Variants in RHBDF1 observed in about 807,000 individuals in gnomAD.
RHBDF1 encodes rhomboid 5 homolog 1, also known as inactive rhomboid protein 1.
In RHBDF1, 80 loss-of-function variants were observed where a neutral mutation model predicts 98.6. The ratio of observed to expected loss-of-function variants is 0.81; its 90% CI spans 0.68 to 0.98. The LOEUF is 0.98. Among genes scored for constraint, RHBDF1 ranks in the 50% least tolerant of loss-of-function variants. The pLI is 0.00. For missense variants in RHBDF1, 1,116 were observed against 1,198.3 expected (o/e 0.93, Z 1.01); for synonymous variants, 512 against 486.8 (o/e 1.05, Z -0.68).
At position 58,508 on chromosome 16, in the gene RHBDF1, T is replaced by A; in HGVS notation, c.2400A>T (p.Lys800Asn). The A allele has an allele frequency of 6.2e-7, 1 of 1,614,008 alleles. No individual in the cohort carries two copies. Residue 800 changes from lysine to asparagine, a missense_variant, in exon 18 of 18, where the codon AAA becomes AAT. By Grantham distance (94) the Lys-to-Asn change is moderately conservative. Transcript: ENST00000262316. ...CCTGAAAGATGATGATCTGGCAGCG[T>A]TTCCGGTACAGGTCGAACTTGCCAA... is the stretch of plus-strand genomic sequence containing the variant. ...ISFGKFDLYRKRCQIIIFQVV... is the reference protein window; with the variant it reads ...ISFGKFDLYRNRCQIIIFQVV...
chr16:58,871 G>A (rs1217224310), intron 17 of RHBDF1, 103 bp downstream of exon 17: 1 of 1,554,772 alleles, frequency 6.4e-7, no homozygotes, highest in Non-Finnish European at 8.8e-7. Flanking sequence ...TGGGACCGAG[G>A]ATCCAACTGG....
At chr16:65,857 C>T (rs572954563) in intron 1 of RHBDF1, among the ~76,000 whole-genome samples, 2 of 152,370 alleles carry the variant, frequency 1.3e-5, no homozygotes, top group South Asian at 4.1e-4. Context: ...CCAGGTGACG[C>T]CACGCGCCCA....
At position 72,460 on chromosome 16, in the gene RHBDF1, C is replaced by G. The variant is rs1161870494; in HGVS notation, c.-25+53G>C. 28 of 906,810 alleles carry G rather than the reference C, an allele frequency of 3.1e-5. No homozygotes were observed. The African/African-American group carries it at 4.9e-4, about 16-fold the overall frequency. The allele number at this position is 906,810 out of a possible 1,614,324, so 56.2% of individuals were successfully genotyped here. Reference sequence around the variant, plus strand: ...GACTCGCCCCGCCCTCCGGACGCAGCCCCGGAACCCGCCCGCCCCCGGAGC... The same window carrying G: ...GACTCGCCCCGCCCTCCGGACGCAGGCCCGGAACCCGCCCGCCCCCGGAGC... On this transcript the variant is annotated intron_variant, in intron 1 of 17. Coordinates refer to ENST00000262316, the MANE Select transcript of RHBDF1 (RefSeq NM_022450.5).
intron 1 of RHBDF1, among the ~76,000 whole-genome samples, chr16:69,108 C>T (rs1479105974): frequency 6.6e-6 from 1 of 152,096 alleles, no homozygotes; most frequent in African/African-American, 2.4e-5. Context: ...GTGAAAGGAC[C>T]CTAGAGCATA....
At chr16:72,736 C>T (rs1898012226), upstream of RHBDF1, 1 of 975,586 alleles carries the variant, frequency 1.0e-6, no homozygotes, top group Non-Finnish European at 1.2e-6. Context: ...CGGCCCAAGT[C>T]ACCTCCTCCC....
intron 1 of RHBDF1, among the ~76,000 whole-genome samples, chr16:67,686 G>C (rs997063306): frequency 6.6e-6 from 1 of 152,230 alleles, no homozygotes; most frequent in Non-Finnish European, 1.5e-5. Flanking sequence ...CAAGGCAGGA[G>C]TTCATTCACA....
At chr16:67,232 G>A (rs1897853162) in intron 1 of RHBDF1, among the ~76,000 whole-genome samples, 1 of 152,216 alleles carries the variant, frequency 6.6e-6, no homozygotes, top group African/African-American at 2.4e-5. Flanking sequence ...CACAGTGCTG[G>A]GACAGCATTC....
chr16:60,610 TCGAAGGCAAAAC>T, intron 11 of RHBDF1, 71 bp from the exon 12 acceptor site: 2 of 1,185,200 alleles, frequency 1.7e-6, no homozygotes, highest in Non-Finnish European at 2.5e-6. Flanking sequence ...GAGTCAGGAG[TCGAAGGCAAAAC>T]CACTGAGCTC....
Position 61,698 on chromosome 16 carries a change from T to G in RHBDF1, c.1209-2A>C. On this transcript the variant is annotated splice_acceptor_variant, in intron 8 of 17. Transcript: ENST00000262316. LOFTEE classifies it high-confidence loss of function. Reference sequence around the variant, plus strand: ...GTAAGCCAGTAGGTGAAGAAGGGCCTGCGGGGTGGAGCGTCAGCGGGGGCC... The same window carrying G: ...GTAAGCCAGTAGGTGAAGAAGGGCCGGCGGGGTGGAGCGTCAGCGGGGGCC... 11 of 1,613,334 alleles carry G rather than the reference T, an allele frequency of 6.8e-6. No individual in the cohort carries two copies. The highest frequency in any genetic ancestry group is 7.6e-6 in the Non-Finnish European group (9 of 1,179,858).
At position 61,424 on chromosome 16, in the gene RHBDF1, CTTGACGTTCTCG is replaced by C. The variant is rs1567113732; in HGVS notation, c.1344_1355del (p.Tyr448_Lys452delinsTer). 13 of 1,612,264 alleles carry C rather than the reference CTTGACGTTCTCG, an allele frequency of 8.1e-6. No individual in the cohort carries two copies. The highest frequency in any genetic ancestry group is 5.1e-6 in the Non-Finnish European group (6 of 1,179,760). ...TCCAGAAGTTCTCCTGCTGCACGTA[CTTGACGTTCTCG>C]TAGACCCCGCGGTTCCGCAGCACCT... is the stretch of plus-strand genomic sequence containing the variant. On this transcript the variant is annotated stop_gained and inframe_deletion, in exon 10 of 18. Coordinates refer to ENST00000262316, the MANE Select transcript of RHBDF1 (RefSeq NM_022450.5). LOFTEE classifies it high-confidence loss of function.
At chr16:71,801 C>T (rs1897976578) in intron 1 of RHBDF1, among the ~76,000 whole-genome samples, 1 of 152,250 alleles carries the variant, frequency 6.6e-6, no homozygotes, top group African/African-American at 2.4e-5. Flanking sequence ...ACAACCAGGC[C>T]CTCTGCCAAT....
chr16:58,439 G>A lies in RHBDF1; in HGVS notation c.2469C>T (p.Tyr823=), dbSNP rs199806322. Residue 823 remains tyrosine (Y), a synonymous_variant, in exon 18 of 18, where the codon TAC becomes TAT. Transcript: ENST00000262316. ...GLLAGLVVLF[Y]VYPVRCEWCE... is the part of the protein sequence containing the mutation. ...ACCACTCACAGCGGACAGGATAGAC[G>A]TAGAAGAGGACCACCAGGCCAGCCA... The A allele has an allele frequency of 1.9e-5, 31 of 1,614,078 alleles. No individual in the cohort carries two copies. The highest frequency in any genetic ancestry group is 1.6e-4 in the African/African-American group (12 of 75,072).
chr16:75,436 T>C (rs1898068101), upstream of RHBDF1, among the ~76,000 whole-genome samples: 1 of 151,978 alleles, frequency 6.6e-6, no homozygotes, highest in Admixed American at 6.6e-5. Context: ...CTTTGGGGAG[T>C]CCCTGGAAGG....
intron 1 of RHBDF1, among the ~76,000 whole-genome samples, chr16:65,991 G>A (rs1011319247): frequency 1.3e-5 from 2 of 152,238 alleles, no homozygotes; most frequent in East Asian, 1.9e-4. Flanking sequence ...GCCAGGGTTC[G>A]ATTCTGGCCA....
chr16:61,447 G>C lies in RHBDF1; in HGVS notation c.1333C>G (p.Arg445Gly). ...HETVDSVLRN[R>G]GVYENVKYVQ... ...TACTTGACGTTCTCGTAGACCCCGC[G>C]GTTCCGCAGCACCTGGGAGGTTGGG... Residue 445 changes from arginine (R) to glycine (G), a missense_variant, in exon 10 of 18, where the codon CGC (arginine) becomes GGC (glycine). Physicochemically the swap from Arg to Gly is moderately radical, Grantham distance 125. Transcript: ENST00000262316. The C allele has an allele frequency of 2.5e-6, 4 of 1,612,506 alleles. No individual in the cohort carries two copies. Among genetic ancestry groups the C allele is most frequent in the Non-Finnish European group, 3.4e-6 (4 of 1,179,820 alleles).
intron 1 of RHBDF1, among the ~76,000 whole-genome samples, chr16:65,869 A>G (rs1897815757): frequency 6.6e-6 from 1 of 152,266 alleles, no homozygotes; most frequent in South Asian, 2.1e-4. Flanking sequence ...ACGCGCCCAG[A>G]AACAGCAGTG....
At chr16:71,452 G>C (rs571152076) in intron 1 of RHBDF1, among the ~76,000 whole-genome samples, 3 of 152,196 alleles carry the variant, frequency 2.0e-5, no homozygotes, top group Admixed American at 6.5e-5. Context: ...GTCGGGGCTA[G>C]GAGGTTGGGG....
upstream of RHBDF1, chr16:74,887 C>T (rs1180920365): frequency 6.6e-6 from 1 of 150,900 alleles, no homozygotes; most frequent in African/African-American, 2.4e-5. Flanking sequence ...CCCGCCCAAA[C>T]CCTATAAAAC....
At chr16:61,316 G>A in intron 10 of RHBDF1, 35 bp from the exon 11 acceptor site, 12 of 1,542,964 alleles carry the variant, frequency 7.8e-6, no homozygotes, top group Non-Finnish European at 1.0e-5. Context: ...CGCAGTCCGG[G>A]GCCTCCTGCC....
Sources: gnomAD v4.1 joint callset for allele counts (sites outside exome capture counted in the v4.1 genomes callset) on GRCh38, gnomAD v4.1.1 for gene constraint, MANE v1.5 for transcripts, NCBI Gene and HGNC (gene_info 2026-07-23, HGNC 2026-07-21) for gene names.